BCAS3: variants seen among roughly 807,000 people sequenced by gnomAD.
BCAS3 encodes the protein BCAS3 microtubule associated cell migration factor, also known as BCAS4/BCAS3 fusion.
Under a neutral mutation model 116.1 loss-of-function variants are expected in BCAS3, and 53 were observed. The observed-to-expected ratio is 0.46, with a 90% confidence interval of 0.37 to 0.57. The LOEUF (loss-of-function observed/expected upper bound fraction) is 0.57, where lower values mean the gene tolerates loss of function less well. Ranked by LOEUF, BCAS3 falls within the 20% of genes least tolerant of loss-of-function variation. The pLI, the probability that BCAS3 is intolerant of heterozygous loss-of-function variation, is 0.00. For synonymous variants in BCAS3, 391 were observed against 408.2 expected (o/e 0.96, Z 0.51); for missense variants, 917 against 1,165.4 (o/e 0.79, Z 3.10).
At chr17:60,895,116 T>C (rs2057423638) in intron 10 of BCAS3, among the ~76,000 whole-genome samples, 1 of 152,170 alleles carries the variant, frequency 6.6e-6, no homozygotes, top group South Asian at 2.1e-4. Flanking sequence ...TTTATTTTTT[T>C]GGAATAGTTT....
intron 4 of BCAS3, among the ~76,000 whole-genome samples, chr17:60,705,429 C>A (rs563688901): frequency 6.6e-6 from 1 of 150,624 alleles, no homozygotes; most frequent in Non-Finnish European, 1.5e-5. Context: ...GCATGAGAAT[C>A]GCTTGAGCCT....
intron 22 of BCAS3, among the ~76,000 whole-genome samples, chr17:61,157,276 A>AT (rs1171563509): frequency 6.6e-6 from 1 of 152,194 alleles, no homozygotes; most frequent in Non-Finnish European, 1.5e-5. Flanking sequence ...TATTTGAAAA[A>AT]TCCAGGTATA....
chr17:61,235,905 G>A lies in BCAS3; in HGVS notation c.2426-132422G>A, dbSNP rs2083019143. ...AATCAGCTCACATGACATACCCAGA[G>A]GCGAATGCTAGCCTGTGCTGTTTTT... On this transcript the variant is annotated intron_variant, in intron 22 of 23. Transcript: ENST00000407086. The surrounding 1 kb of genome is among the most constrained non-coding windows in gnomAD (Gnocchi z 5.0). Among the ~76,000 whole-genome samples the A allele has an allele frequency of 1.3e-5, 2 of 152,156 alleles. No homozygotes were observed. The highest frequency in any genetic ancestry group is 4.1e-4 in the South Asian group (2 of 4,826).
chr17:61,230,416 A>G (rs949067853), intron 22 of BCAS3, among the ~76,000 whole-genome samples: 3 of 152,070 alleles, frequency 2.0e-5, no homozygotes, highest in Non-Finnish European at 1.5e-5. Flanking sequence ...GGTAGTGAGC[A>G]TAGCGCCCAA....
At chr17:60,719,891 G>C (rs2039049897) in intron 5 of BCAS3, among the ~76,000 whole-genome samples, 1 of 152,184 alleles carries the variant, frequency 6.6e-6, no homozygotes, top group South Asian at 2.1e-4. Context: ...AGAGAAGAAA[G>C]TTAAAGATGT....
rs2073301180 is a variant in BCAS3 at position 61,088,875 on chromosome 17, G to A, written c.2425+4311G>A. Among the ~76,000 whole-genome samples, 1 of 152,154 alleles carries A rather than the reference G, an allele frequency of 6.6e-6. No individual in the cohort carries two copies. The highest frequency in any genetic ancestry group is 2.4e-5 in the African/African-American group (1 of 41,406). ...ACATTTTATAAAGTTATGAGGTGTG[G>A]TGGAAGCAGTGTTTGTGTACATGCC... is the stretch of plus-strand genomic sequence containing the variant. On this transcript the variant is annotated intron_variant, in intron 22 of 23. Transcript: ENST00000407086. This position sits in a 1 kb window ranked among gnomAD's most constrained non-coding sequence, Gnocchi z 4.2.
At position 61,368,330 on chromosome 17, in the gene BCAS3, C is replaced by T. The variant is rs542725680; in HGVS notation, c.2429C>T (p.Thr810Ile). The change falls in exon 23 of 24, where the codon ACC becomes ATC. Residue 810 changes from threonine (T) to isoleucine (I), a missense_variant. Thr to Ile is a moderately conservative substitution (Grantham distance 89). Around this residue, in one of 3 missense-constraint regions of BCAS3, gnomAD observed 807 missense variants for 1,026.0 expected, o/e 0.79. Transcript: ENST00000407086. The surrounding 1 kb of genome is among the most constrained non-coding windows in gnomAD (Gnocchi z 6.0). ...VSTVIDAASG[T>I]FDRSVTLLEV... ...AGATGTCCCGTGTGTGCCACAGGTA[C>T]CTTTGACAGGAGCGTGACCCTGCTG... The T allele has an allele frequency of 2.5e-6, 4 of 1,592,966 alleles. No homozygotes were observed. The highest frequency in any genetic ancestry group is 3.4e-6 in the Non-Finnish European group (4 of 1,163,806).
chr17:61,345,521 G>T (rs900303566), intron 22 of BCAS3, among the ~76,000 whole-genome samples: 1 of 152,110 alleles, frequency 6.6e-6, no homozygotes, highest in Non-Finnish European at 1.5e-5. Flanking sequence ...AGGGAGGAAG[G>T]AAGGGAAAGA....
intron 16 of BCAS3, among the ~76,000 whole-genome samples, chr17:61,018,736 A>G (rs901781152): frequency 3.3e-5 from 5 of 152,132 alleles, no homozygotes; most frequent in Non-Finnish European, 5.9e-5. Context: ...TTGCAGCCTT[A>G]ATATACCCTT....
At chr17:61,035,708 A>G (rs1028471115) in intron 17 of BCAS3, among the ~76,000 whole-genome samples, 1 of 152,102 alleles carries the variant, frequency 6.6e-6, no homozygotes, top group Non-Finnish European at 1.5e-5. Context: ...GGATACATCC[A>G]AGACCTCCAG....
At chr17:61,163,221 A>G (rs558941284) in intron 22 of BCAS3, among the ~76,000 whole-genome samples, 37 of 151,944 alleles carry the variant, frequency 2.4e-4, no homozygotes, top group South Asian at 8.3e-4. Flanking sequence ...TCAGGAGATC[A>G]AGACCATCCT....
chr17:61,319,026 C>G (rs896016788), intron 22 of BCAS3, among the ~76,000 whole-genome samples: 2 of 152,222 alleles, frequency 1.3e-5, no homozygotes, highest in African/African-American at 2.4e-5. Context: ...TTCTGATCCT[C>G]ATTTTTCTGC....
chr17:60,937,294 T>A (rs957341498), intron 13 of BCAS3, among the ~76,000 whole-genome samples: 27 of 152,084 alleles, frequency 1.8e-4, no homozygotes, highest in Non-Finnish European at 3.7e-4. Context: ...TCTTTTTTTT[T>A]TCTTCCATGG....
rs138663451 is a variant in BCAS3, at chr17:60,683,505, CTTTTTTTTTTTTTTTTTTTTTTT to C, written c.84-460_84-438del. Among the ~76,000 whole-genome samples the C allele has an allele frequency of 2.3e-3, 103 of 44,494 alleles. 1 individual carries two copies. Among genetic ancestry groups the C allele is most frequent in the African/African-American group, 6.9e-3 (84 of 12,120 alleles). The allele number at this position is 44,494 out of a possible 152,430, so 29.2% of individuals were successfully genotyped here. ...GAAATATCAGGTGATAAGAGTTAGC[CTTTTTTTTTTTTTTTTTTTTTTT>C]TTTTTTTTTTTTTTTTGCCTTTTTT... On this transcript the variant is annotated intron_variant, in intron 2 of 23. Coordinates refer to ENST00000407086, the MANE Select transcript of BCAS3 (RefSeq NM_017679.5).
Position 61,098,180 on chromosome 17 carries a change from A to C in BCAS3, c.2425+13616A>C, listed in dbSNP as rs1292400985. On this transcript the variant is annotated intron_variant, in intron 22 of 23. Coordinates refer to ENST00000407086, the MANE Select transcript of BCAS3 (RefSeq NM_017679.5). This position sits in a 1 kb window ranked among gnomAD's most constrained non-coding sequence, Gnocchi z 4.2. ...CATAGAGAGGTAATCAATATGGTCT[A>C]GAGTTCTTGACCTGAACCTGTAATT... Among the ~76,000 whole-genome samples, 1 of 152,212 alleles carries C rather than the reference A, an allele frequency of 6.6e-6. No homozygotes were observed. The highest frequency in any genetic ancestry group is 1.5e-5 in the Non-Finnish European group (1 of 68,034).
At chr17:60,914,390 T>C (rs897224335) in intron 12 of BCAS3, among the ~76,000 whole-genome samples, 1 of 152,220 alleles carries the variant, frequency 6.6e-6, no homozygotes, top group African/African-American at 2.4e-5. Flanking sequence ...TGTGCCTTTT[T>C]GCTGGATGGC....
rs1437389787 is a variant in BCAS3 at position 60,967,513 on chromosome 17, A to T, written c.1221+20161A>T. Among the ~76,000 whole-genome samples the T allele has an allele frequency of 6.6e-6, 1 of 152,072 alleles. No homozygotes were observed. The highest frequency in any genetic ancestry group is 2.4e-5 in the African/African-American group (1 of 41,404). ...AGAGTTTCATTATTATACGTGTTAG[A>T]GTACTTTTATTTGGGTTGAGTGTTG... On this transcript the variant is annotated intron_variant, in intron 14 of 23. Coordinates refer to ENST00000407086, the MANE Select transcript of BCAS3 (RefSeq NM_017679.5). The surrounding 1 kb of genome is among the most constrained non-coding windows in gnomAD (Gnocchi z 4.7).
intron 6 of BCAS3, among the ~76,000 whole-genome samples, chr17:60,769,196 G>A (rs545622715): frequency 2.0e-5 from 3 of 152,112 alleles, no homozygotes; most frequent in African/African-American, 7.2e-5. Flanking sequence ...CTTGTCCTTG[G>A]GCCCCTTGGT....
At position 61,141,237 on chromosome 17, in the gene BCAS3, T is replaced by G. The variant is rs186504444; in HGVS notation, c.2425+56673T>G. On this transcript the variant is annotated intron_variant, in intron 22 of 23. Transcript: ENST00000407086. The surrounding 1 kb of genome is among the most constrained non-coding windows in gnomAD (Gnocchi z 4.3). ...TTACATTCATATGTAGGGCATTTGG[T>G]TGCTTAAATATTGAAACAATTATAA... Among the ~76,000 whole-genome samples, 3 of 152,272 alleles carry G rather than the reference T, an allele frequency of 2.0e-5. No individual in the cohort carries two copies. The East Asian group carries it at 5.8e-4, about 29-fold the overall frequency.
Sources: allele counts gnomAD v4.1 joint callset (sites outside exome capture counted in the v4.1 genomes callset), GRCh38; gene constraint gnomAD v4.1.1; regional missense constraint gnomAD v4.1.1; non-coding constraint Gnocchi (gnomAD v3.1); transcripts MANE v1.5; gene names NCBI Gene and HGNC (gene_info 2026-07-23, HGNC 2026-07-21).